SMYD3: variants seen among roughly 807,000 people sequenced by gnomAD.
The protein encoded by SMYD3 is SET and MYND domain containing 3.
A neutral mutation model predicts 57.7 loss-of-function variants in SMYD3; 36 were observed. The ratio of observed to expected loss-of-function variants is 0.62; its 90% CI spans 0.48 to 0.82. The LOEUF (loss-of-function observed/expected upper bound fraction) is 0.82, where lower values mean the gene tolerates loss of function less well. SMYD3 is among the 40% of genes least tolerant of loss of function. The probability of loss-of-function intolerance (pLI) is 0.00; values close to 1 mark genes in which losing one functional copy is unlikely to be tolerated. For missense variants in SMYD3, 515 were observed against 538.8 expected, an observed-to-expected ratio of 0.96 and a Z score of 0.44; for synonymous variants, 211 against 195.0, an observed-to-expected ratio of 1.08 and a Z score of -0.68.
chr1:246,405,975 C>G (rs1052097817), intron 1 of SMYD3, among the ~76,000 whole-genome samples: 7 of 151,870 alleles, frequency 4.6e-5, no homozygotes, highest in Non-Finnish European at 8.8e-5. Flanking sequence ...CGGTTTGAGC[C>G]TGAATCGCTG....
At chr1:245,912,253 A>G (rs182575721) in intron 8 of SMYD3, among the ~76,000 whole-genome samples, 1 of 152,218 alleles carries the variant, frequency 6.6e-6, no homozygotes, top group African/African-American at 2.4e-5. Context: ...AATCCCATTT[A>G]CACTAGCTAC....
At chr1:245,843,899 C>G (rs1367851191) in intron 10 of SMYD3, among the ~76,000 whole-genome samples, 2 of 152,158 alleles carry the variant, frequency 1.3e-5, no homozygotes, top group South Asian at 4.1e-4. Flanking sequence ...TGTGGGCAAC[C>G]TCCTATTCAA....
At position 245,863,894 on chromosome 1, in the gene SMYD3, G is replaced by A; in HGVS notation, c.814-8C>T. 6.2e-7 allele frequency: 1 copy of A among 1,613,320 alleles called. No individual in the cohort carries two copies. Among genetic ancestry groups the A allele is most frequent in the South Asian group, 1.1e-5 (1 of 91,032 alleles). On this transcript the variant is annotated splice_polypyrimidine_tract_variant and splice_region_variant and intron_variant, in intron 8 of 11. Coordinates refer to ENST00000490107, the MANE Select transcript of SMYD3 (RefSeq NM_001167740.2). ...AGTTAGCATATCAGCATCCTGCTCA[G>A]GCCAGAAAAGGAAGACAAATAATCT...
intron 1 of SMYD3, among the ~76,000 whole-genome samples, chr1:246,420,730 T>A (rs757338335): frequency 6.6e-6 from 1 of 152,162 alleles, no homozygotes; most frequent in Non-Finnish European, 1.5e-5. Flanking sequence ...CAAAAAAGTA[T>A]TAAAATGGAA....
At chr1:245,969,685 T>A (rs1022108076) in intron 5 of SMYD3, among the ~76,000 whole-genome samples, 6 of 152,156 alleles carry the variant, frequency 3.9e-5, no homozygotes, top group African/African-American at 1.4e-4. Flanking sequence ...TGCACACAAA[T>A]CCCTGAATAA....
At chr1:246,149,538 G>T (rs560197359) in intron 5 of SMYD3, among the ~76,000 whole-genome samples, 1 of 152,174 alleles carries the variant, frequency 6.6e-6, no homozygotes, top group East Asian at 1.9e-4. Context: ...CCAACAAAGG[G>T]ATTAAGTCTG....
At chr1:246,079,647 T>C (rs2060606335) in intron 5 of SMYD3, among the ~76,000 whole-genome samples, 2 of 152,178 alleles carry the variant, frequency 1.3e-5, no homozygotes. Context: ...ACATATGAAG[T>C]GCTCAATAAA....
chr1:246,235,202 A>C (rs2063494823), intron 5 of SMYD3, among the ~76,000 whole-genome samples: 1 of 152,200 alleles, frequency 6.6e-6, no homozygotes, highest in Non-Finnish European at 1.5e-5. Flanking sequence ...GACAGGAGTT[A>C]ATACCGCTTT....
At chr1:246,324,985 A>AGG (rs1491421315) in intron 5 of SMYD3, among the ~76,000 whole-genome samples, 1 of 63,854 alleles carries the variant, frequency 1.6e-5, no homozygotes, top group African/African-American at 5.9e-5. Context: ...AGAAGGAGTC[A>AGG]GGGGGCGGGA....
intron 10 of SMYD3, among the ~76,000 whole-genome samples, chr1:245,856,441 C>T (rs1410397644): frequency 6.6e-6 from 1 of 152,226 alleles, no homozygotes; most frequent in Admixed American, 6.5e-5. Flanking sequence ...ACAGCACACA[C>T]TTAAAGAGAT....
intron 1 of SMYD3, among the ~76,000 whole-genome samples, chr1:246,403,527 G>C (rs1414133082): frequency 1.3e-5 from 2 of 152,012 alleles, no homozygotes; most frequent in African/African-American, 2.4e-5. Context: ...TATCTTCCTA[G>C]TTCATCTCCT....
intron 10 of SMYD3, among the ~76,000 whole-genome samples, chr1:245,832,000 G>T (rs980707979): frequency 1.3e-5 from 2 of 152,146 alleles, no homozygotes; most frequent in African/African-American, 4.8e-5. Context: ...TGCCTTTCTT[G>T]GAGGAGGGAG....
At chr1:245,810,268 A>T (rs1290210291) in intron 10 of SMYD3, among the ~76,000 whole-genome samples, 1 of 152,124 alleles carries the variant, frequency 6.6e-6, no homozygotes, top group Non-Finnish European at 1.5e-5. Context: ...CAGAACTAAG[A>T]GCCTACAACT....
intron 1 of SMYD3, among the ~76,000 whole-genome samples, chr1:246,495,124 T>C (rs557813944): frequency 1.3e-4 from 20 of 151,346 alleles, no homozygotes; most frequent in South Asian, 2.1e-4. Flanking sequence ...CCAAGGCGGG[T>C]GGATCACGAG....
rs891233629 is a variant in SMYD3, at chr1:245,920,171, G to T, written c.703-4531C>A. Among the ~76,000 whole-genome samples, 4 of 152,062 alleles carry T rather than the reference G, an allele frequency of 2.6e-5. No homozygotes were observed. The East Asian group carries it at 7.7e-4, about 29-fold the overall frequency. ...TACTAAAAATACAAAAAATTAGCCAGGCGTGGTGGCGGGCGCCTGTAGTCC... is the reference window on the plus strand; with the variant it reads ...TACTAAAAATACAAAAAATTAGCCATGCGTGGTGGCGGGCGCCTGTAGTCC... On this transcript the variant is annotated intron_variant, in intron 7 of 11. Transcript: ENST00000490107.
intron 10 of SMYD3, among the ~76,000 whole-genome samples, chr1:245,818,253 A>AAG (rs1553333161): frequency 6.6e-6 from 1 of 152,046 alleles, no homozygotes; most frequent in African/African-American, 2.4e-5. Context: ...CAACATTCTT[A>AAG]AAAAGAATTT....
At chr1:246,283,179 G>A (rs2064489346) in intron 5 of SMYD3, among the ~76,000 whole-genome samples, 1 of 152,130 alleles carries the variant, frequency 6.6e-6, no homozygotes, top group Admixed American at 6.5e-5. Flanking sequence ...CTGGACTCAG[G>A]GTGGCTTGGG....
chr1:246,452,918 T>C (rs1030340807), intron 1 of SMYD3, among the ~76,000 whole-genome samples: 2 of 152,090 alleles, frequency 1.3e-5, no homozygotes, highest in Non-Finnish European at 2.9e-5. Context: ...CTGGGAGGAA[T>C]AAAGAAAGCC....
chr1:246,096,784 G>A (rs1010684101), intron 5 of SMYD3, among the ~76,000 whole-genome samples: 2 of 150,316 alleles, frequency 1.3e-5, no homozygotes, highest in Non-Finnish European at 2.9e-5. Context: ...GTAACAAATG[G>A]TTATCATTGT....
Sources: gnomAD v4.1 joint callset for allele counts (sites outside exome capture counted in the v4.1 genomes callset) on GRCh38, gnomAD v4.1.1 for gene constraint, MANE v1.5 for transcripts, NCBI Gene and HGNC (gene_info 2026-07-23, HGNC 2026-07-21) for gene names.